RABGAP1L: variants seen among roughly 807,000 people sequenced by gnomAD.
The protein encoded by RABGAP1L is RAB GTPase activating protein 1 like, also known as rab GTPase-activating protein 1-like.
Under a neutral mutation model 137.7 loss-of-function variants are expected in RABGAP1L, and 63 were observed. The ratio of observed to expected loss-of-function variants is 0.46; its 90% confidence interval spans 0.37 to 0.56. The LOEUF is 0.56. Among genes scored for constraint, RABGAP1L ranks in the 20% least tolerant of loss-of-function variants. The pLI is 0.00. For missense variants in RABGAP1L, 1,095 were observed against 1,244.0 expected (o/e 0.88, Z 1.80); for synonymous variants, 431 against 433.7 (o/e 0.99, Z 0.08).
At chr1:174,902,502 C>T (rs576076814) in intron 19 of RABGAP1L, among the ~76,000 whole-genome samples, 3 of 152,296 alleles carry the variant, frequency 2.0e-5, no homozygotes, top group Admixed American at 1.3e-4. Flanking sequence ...AGATGGATTT[C>T]CCACCTTTCT....
At chr1:174,980,197 C>T (rs1271586989) in intron 23 of RABGAP1L, among the ~76,000 whole-genome samples, 1 of 151,826 alleles carries the variant, frequency 6.6e-6, no homozygotes, top group African/African-American at 2.4e-5. Flanking sequence ...TTGTAACTAG[C>T]TTTAGTTCAC....
chr1:174,494,385 T>G (rs1660557876), intron 13 of RABGAP1L, among the ~76,000 whole-genome samples: 1 of 152,226 alleles, frequency 6.6e-6, no homozygotes, highest in Non-Finnish European at 1.5e-5. Context: ...CATCTCATCC[T>G]CCGTTGAATT....
chr1:174,674,321 G>A (rs1361458949), intron 14 of RABGAP1L, among the ~76,000 whole-genome samples: 2 of 142,318 alleles, frequency 1.4e-5, no homozygotes, highest in Non-Finnish European at 3.0e-5. Context: ...TCCCATCTAT[G>A]AGTGGAACAT....
In RABGAP1L at chr1:174,823,048, C is replaced by T. The variant is rs188895805; in HGVS notation, c.2340+11088C>T. 1.4e-3 allele frequency among the ~76,000 whole-genome samples: 215 copies of T among 152,268 alleles called. 3 individuals are homozygous for T. The highest frequency in any genetic ancestry group is 0.012 in the South Asian group (57 of 4,824). On this transcript the variant is annotated intron_variant, in intron 19 of 25. Coordinates refer to ENST00000681986, the MANE Select transcript of RABGAP1L (RefSeq NM_001366446.1). ...GAATAGAGCATTATGCCTTTATAGA[C>T]GTTCCAAAATTGGAACTATGTGCAT...
At chr1:174,574,027 A>G (rs1668184491) in intron 13 of RABGAP1L, among the ~76,000 whole-genome samples, 1 of 152,228 alleles carries the variant, frequency 6.6e-6, no homozygotes, top group South Asian at 2.1e-4. Context: ...GTAGTTGAGA[A>G]TGCTGATTAA....
chr1:174,536,866 G>C (rs1221744349), intron 13 of RABGAP1L, among the ~76,000 whole-genome samples: 2 of 152,072 alleles, frequency 1.3e-5, no homozygotes, highest in Admixed American at 1.3e-4. Flanking sequence ...TTTTAATAGA[G>C]AAAAGGACAC....
intron 13 of RABGAP1L, among the ~76,000 whole-genome samples, chr1:174,517,130 A>T (rs890814942): frequency 1.3e-5 from 2 of 152,010 alleles, no homozygotes; most frequent in Non-Finnish European, 2.9e-5. Flanking sequence ...TCAGATACAG[A>T]CGTGAATAAT....
chr1:174,901,009 C>T (rs969168653), intron 19 of RABGAP1L, among the ~76,000 whole-genome samples: 1 of 152,026 alleles, frequency 6.6e-6, no homozygotes, highest in Non-Finnish European at 1.5e-5. Context: ...TCTTTTTTCT[C>T]TATTCTTGTT....
chr1:174,261,571 C>T (rs1349167464), intron 7 of RABGAP1L, among the ~76,000 whole-genome samples: 2 of 152,112 alleles, frequency 1.3e-5, no homozygotes, highest in African/African-American at 4.8e-5. Context: ...AAAAATCACC[C>T]AGGGACTCTC....
At chr1:174,912,373 C>A (rs1202933456) in intron 19 of RABGAP1L, among the ~76,000 whole-genome samples, 1 of 152,160 alleles carries the variant, frequency 6.6e-6, no homozygotes, top group Non-Finnish European at 1.5e-5. Flanking sequence ...GAACTCCTGG[C>A]CTCATGTGAT....
intron 13 of RABGAP1L, among the ~76,000 whole-genome samples, chr1:174,503,710 A>G (rs1016809061): frequency 4.0e-5 from 6 of 150,958 alleles, no homozygotes; most frequent in African/African-American, 1.5e-4. Flanking sequence ...GTTGTGTTCT[A>G]TGCAGTAATA....
chr1:174,688,377 G>A (rs543328452), intron 15 of RABGAP1L, among the ~76,000 whole-genome samples: 3 of 151,934 alleles, frequency 2.0e-5, no homozygotes, highest in African/African-American at 7.2e-5. Context: ...ATTACTGTAT[G>A]TATACTAATA....
chr1:174,172,864 C>T (rs2148242200), intron 1 of RABGAP1L, among the ~76,000 whole-genome samples: 1 of 152,176 alleles, frequency 6.6e-6, no homozygotes, highest in East Asian at 1.9e-4. Flanking sequence ...TGTAGTCCTA[C>T]TTATTTATTT....
At chr1:174,574,681 G>A (rs1375912739) in intron 13 of RABGAP1L, among the ~76,000 whole-genome samples, 8 of 152,064 alleles carry the variant, frequency 5.3e-5, no homozygotes, top group Non-Finnish European at 7.4e-5. Context: ...TATTATGCAC[G>A]TTGATGTGGC....
At chr1:174,195,020 T>C (rs1282579684) in intron 1 of RABGAP1L, among the ~76,000 whole-genome samples, 1 of 147,366 alleles carries the variant, frequency 6.8e-6, no homozygotes, top group East Asian at 1.9e-4. Context: ...GGCTCTTTCT[T>C]GATAACCTGG....
intron 1 of RABGAP1L, among the ~76,000 whole-genome samples, chr1:174,190,381 A>G (rs2148334512): frequency 6.6e-6 from 1 of 152,054 alleles, no homozygotes. Context: ...GCTTCTCAGC[A>G]TCCATAACTG....
chr1:174,199,037 G>A (rs1667911804), intron 1 of RABGAP1L, among the ~76,000 whole-genome samples: 1 of 152,204 alleles, frequency 6.6e-6, no homozygotes, highest in African/African-American at 2.4e-5. Flanking sequence ...GAACCTGGGA[G>A]GCGGAGGTTG....
At chr1:174,178,367 G>C (rs1666062224) in intron 1 of RABGAP1L, among the ~76,000 whole-genome samples, 1 of 152,066 alleles carries the variant, frequency 6.6e-6, no homozygotes, top group Non-Finnish European at 1.5e-5. Context: ...GGAGTTTTTG[G>C]GCTGAGATGG....
intron 13 of RABGAP1L, among the ~76,000 whole-genome samples, chr1:174,486,491 C>A (rs1659670472): frequency 6.6e-6 from 1 of 151,656 alleles, no homozygotes; most frequent in East Asian, 1.9e-4. Context: ...GGACTACATG[C>A]ACCCGCCACC....
Sources: gnomAD v4.1 joint callset for allele counts (sites outside exome capture counted in the v4.1 genomes callset) on GRCh38, gnomAD v4.1.1 for gene constraint, MANE v1.5 for transcripts, NCBI Gene and HGNC (gene_info 2026-07-23, HGNC 2026-07-21) for gene names.